EPHA6: variants seen among roughly 807,000 people sequenced by gnomAD.
EPHA6 encodes the protein ephrin type-A receptor 6.
In EPHA6, 50 loss-of-function variants were observed where a neutral mutation model predicts 112.0. The ratio of observed to expected loss-of-function variants is 0.45; its 90% CI spans 0.36 to 0.56. The LOEUF (loss-of-function observed/expected upper bound fraction) is 0.56. EPHA6 is among the 20% of genes least tolerant of loss of function. The pLI, the probability that EPHA6 is intolerant of heterozygous loss-of-function variation, is 0.00. For missense variants in EPHA6, 1,280 were observed against 1,417.4 expected (o/e 0.90, Z 1.56); for synonymous variants, 529 against 490.7 (o/e 1.08, Z -1.03).
chr3:97,157,342 T>C (rs2076312274), intron 3 of EPHA6, among the ~76,000 whole-genome samples: 1 of 152,194 alleles, frequency 6.6e-6, no homozygotes, highest in Admixed American at 6.5e-5. Context: ...TATTATATAA[T>C]GAATTTCCAG....
At chr3:96,823,066 C>G (rs1348142087) in intron 1 of EPHA6, among the ~76,000 whole-genome samples, 1 of 151,246 alleles carries the variant, frequency 6.6e-6, no homozygotes, top group Non-Finnish European at 1.5e-5. Context: ...TATGATTGCC[C>G]CCAAATTTGA....
rs188832661 is a variant in EPHA6, at chr3:96,997,131, G to A, written c.1114+9138G>A. Among the ~76,000 whole-genome samples, 414 of 152,070 alleles carry A rather than the reference G, an allele frequency of 2.7e-3. 4 individuals carry two copies. Among genetic ancestry groups the A allele is most frequent in the South Asian group, 0.019 (94 of 4,822 alleles). On this transcript the variant is annotated intron_variant, in intron 3 of 17. Coordinates refer to ENST00000389672, the MANE Select transcript of EPHA6 (RefSeq NM_001080448.3). Reference sequence around the variant, plus strand: ...TTTTGCAGCTTCCTCCCCTCACTCAGCCTTCATGGAATTTTTAATTCCATG... The same window carrying A: ...TTTTGCAGCTTCCTCCCCTCACTCAACCTTCATGGAATTTTTAATTCCATG...
At chr3:97,583,545 A>G (rs182271533) in intron 11 of EPHA6, among the ~76,000 whole-genome samples, 3 of 152,122 alleles carry the variant, frequency 2.0e-5, no homozygotes, top group African/African-American at 7.2e-5. Flanking sequence ...TCTCAAAAAA[A>G]AAAAAAGAAA....
intron 14 of EPHA6, among the ~76,000 whole-genome samples, chr3:97,685,450 A>G (rs1441018072): frequency 6.6e-6 from 1 of 152,184 alleles, no homozygotes; most frequent in Non-Finnish European, 1.5e-5. Context: ...AACCTTAGTC[A>G]CTATATTTGT....
chr3:97,376,017 T>C (rs2109000184), intron 5 of EPHA6, among the ~76,000 whole-genome samples: 1 of 152,308 alleles, frequency 6.6e-6, no homozygotes, highest in East Asian at 1.9e-4. Context: ...TGAAAACCTT[T>C]ATGAAAGATC....
chr3:97,554,450 G>A (rs907497532), intron 11 of EPHA6, among the ~76,000 whole-genome samples: 8 of 151,806 alleles, frequency 5.3e-5, no homozygotes, highest in African/African-American at 1.9e-4. Context: ...ATTTCTTTTA[G>A]GTTTGACTAT....
At chr3:97,329,332 A>C (rs1052372133) in intron 5 of EPHA6, among the ~76,000 whole-genome samples, 14 of 151,528 alleles carry the variant, frequency 9.2e-5, no homozygotes, top group Non-Finnish European at 4.4e-5. Context: ...GTATATACCC[A>C]GTAATGGGAT....
intron 2 of EPHA6, among the ~76,000 whole-genome samples, chr3:96,877,109 T>G (rs531852940): frequency 1.3e-5 from 2 of 152,244 alleles, no homozygotes; most frequent in South Asian, 4.1e-4. Context: ...TTAAATAAGA[T>G]ATTGTTTAAA....
At chr3:96,996,146 C>A (rs1038429646) in intron 3 of EPHA6, among the ~76,000 whole-genome samples, 2 of 152,148 alleles carry the variant, frequency 1.3e-5, no homozygotes, top group African/African-American at 2.4e-5. Flanking sequence ...AAACCACTTT[C>A]TTTGCTCATC....
At chr3:97,519,511 T>C (rs1217137363) in intron 10 of EPHA6, among the ~76,000 whole-genome samples, 4 of 152,182 alleles carry the variant, frequency 2.6e-5, no homozygotes, top group African/African-American at 9.7e-5. Context: ...TTTTTTCTAT[T>C]TCTGTGGCAA....
chr3:97,450,016 C>T (rs1577447972), intron 7 of EPHA6, among the ~76,000 whole-genome samples: 1 of 152,016 alleles, frequency 6.6e-6, no homozygotes, highest in African/African-American at 2.4e-5. Context: ...AAATACCCCA[C>T]CTTAGGGAGA....
At chr3:97,595,876 T>A (rs1283146656) in intron 12 of EPHA6, among the ~76,000 whole-genome samples, 3 of 151,968 alleles carry the variant, frequency 2.0e-5, no homozygotes, top group Non-Finnish European at 4.4e-5. Context: ...GTGTCCCTCT[T>A]TTAAATATGT....
At chr3:97,144,979 A>G (rs1241746256) in intron 3 of EPHA6, among the ~76,000 whole-genome samples, 1 of 151,414 alleles carries the variant, frequency 6.6e-6, no homozygotes, top group Non-Finnish European at 1.5e-5. Flanking sequence ...ATTATTTTCT[A>G]TCAATGCGCT....
Position 97,759,049 on chromosome 3 carries a change from T to C in EPHA6, c.*10348T>C, listed in dbSNP as rs1372651184. On this transcript the variant is annotated 3_prime_UTR_variant, in exon 18 of 18. Transcript: ENST00000389672. Reference sequence around the variant, plus strand: ...AAAGCCTGTGGAGGTAGGCCTAGGATTGCACTATATGCTATTCCAATGTTT... The same window carrying C: ...AAAGCCTGTGGAGGTAGGCCTAGGACTGCACTATATGCTATTCCAATGTTT... 7.2e-5 allele frequency among the ~76,000 whole-genome samples: 11 copies of C among 152,174 alleles called. No individual in the cohort carries two copies. Among genetic ancestry groups the C allele is most frequent in the Middle Eastern group, 3.4e-3 (1 of 294 alleles).
intron 2 of EPHA6, among the ~76,000 whole-genome samples, chr3:96,966,866 C>A (rs932423142): frequency 1.1e-4 from 16 of 151,696 alleles, no homozygotes; most frequent in African/African-American, 3.9e-4. Flanking sequence ...AAATTTTGTC[C>A]TAATATTTAC....
intron 8 of EPHA6, among the ~76,000 whole-genome samples, chr3:97,476,897 G>GTAT (rs2091384726): frequency 6.6e-6 from 1 of 151,874 alleles, no homozygotes; most frequent in South Asian, 2.1e-4. Flanking sequence ...TTAAGAGGGA[G>GTAT]TATTTGGGGG....
intron 3 of EPHA6, among the ~76,000 whole-genome samples, chr3:97,065,267 A>G (rs958742176): frequency 1.8e-4 from 28 of 152,186 alleles, no homozygotes; most frequent in Non-Finnish European, 2.5e-4. Flanking sequence ...AACATAGTTG[A>G]CATTTCAAAT....
chr3:97,246,056 TTTA>T (rs2078978995), intron 5 of EPHA6, among the ~76,000 whole-genome samples: 1 of 152,042 alleles, frequency 6.6e-6, no homozygotes, highest in Admixed American at 6.6e-5. Flanking sequence ...TAGAATTTGC[TTTA>T]TGGTTATTCA....
Position 97,715,484 on chromosome 3 carries a change from G to A in EPHA6, c.2785-4777G>A, listed in dbSNP as rs569373232. 7.2e-5 allele frequency among the ~76,000 whole-genome samples: 11 copies of A among 152,266 alleles called. No individual in the cohort carries two copies. The South Asian group carries it at 1.2e-3, about 17-fold the overall frequency. ...ATTGAGTACTATAGAGATAGATTGA[G>A]AACAGAGCAAAAGTCTACAGACAGA... is the stretch of plus-strand genomic sequence containing the variant. On this transcript the variant is annotated intron_variant, in intron 14 of 17. Coordinates refer to ENST00000389672, the MANE Select transcript of EPHA6 (RefSeq NM_001080448.3).
Sources: allele counts gnomAD v4.1 joint callset (sites outside exome capture counted in the v4.1 genomes callset), GRCh38; gene constraint gnomAD v4.1.1; transcripts MANE v1.5; gene names NCBI Gene and HGNC (gene_info 2026-07-23, HGNC 2026-07-21).